TGFBRAP1: variants seen among roughly 807,000 people sequenced by gnomAD.
The protein encoded by TGFBRAP1 is transforming growth factor-beta receptor-associated protein 1.
A neutral mutation model predicts 83.2 loss-of-function variants in TGFBRAP1; 20 were observed. The observed-to-expected ratio is 0.24, with a 90% CI of 0.17 to 0.35. The LOEUF (loss-of-function observed/expected upper bound fraction) is 0.35, where lower values mean the gene tolerates loss of function less well. Ranked by LOEUF, TGFBRAP1 falls within the 10% of genes least tolerant of loss-of-function variation. TGFBRAP1 has a pLI of 1.00. For synonymous variants in TGFBRAP1, 415 were observed against 459.8 expected (o/e 0.90, Z 1.25); for missense variants, 950 against 1,099.4 (o/e 0.86, Z 1.92).
chr2:105,320,519 C>T (rs1434884474), intron 1 of TGFBRAP1, among the ~76,000 whole-genome samples: 1 of 151,952 alleles, frequency 6.6e-6, no homozygotes, highest in Non-Finnish European at 1.5e-5. Context: ...GGAATGTGGG[C>T]CACACACCTG....
intron 1 of TGFBRAP1, among the ~76,000 whole-genome samples, chr2:105,319,802 A>G (rs1381143833): frequency 2.0e-5 from 3 of 150,172 alleles, no homozygotes. Flanking sequence ...TAACATATAT[A>G]GGTATATATG....
At chr2:105,308,418 T>A in intron 1 of TGFBRAP1, 100 bp from the exon 2 acceptor site, 1 of 1,200,542 alleles carries the variant, frequency 8.3e-7, no homozygotes, top group Non-Finnish European at 1.1e-6. Flanking sequence ...TCATTTTCAT[T>A]AAAGAAAGTC....
rs757791119 is a variant in TGFBRAP1 at position 105,273,512 on chromosome 2, A to G, written c.1812+32T>C. ...TAGTTCAATTCCGTCTCTCCAGCCCACACTCTTTAGTCTAACTTCTGCAGT... is the reference window on the plus strand; with the variant it reads ...TAGTTCAATTCCGTCTCTCCAGCCCGCACTCTTTAGTCTAACTTCTGCAGT... On this transcript the variant is annotated intron_variant, in intron 9 of 11. Transcript: ENST00000393359. The G allele has an allele frequency of 1.0e-4, 168 of 1,611,518 alleles. 3 individuals carry two copies. The highest frequency in any genetic ancestry group is 9.3e-4 in the South Asian group (84 of 90,460).
At chr2:105,317,850 G>C (rs1158824489) in intron 1 of TGFBRAP1, among the ~76,000 whole-genome samples, 1 of 152,088 alleles carries the variant, frequency 6.6e-6, no homozygotes, top group African/African-American at 2.4e-5. Context: ...TCAATGGAGA[G>C]GAAACATGAA....
Position 105,298,622 on chromosome 2 carries a change from G to A in TGFBRAP1, c.772C>T (p.Pro258Ser). The change falls in exon 3 of 12, where the codon CCA becomes TCA. Residue 258 changes from proline to serine, a missense_variant. By Grantham distance (74) the Pro-to-Ser change is moderately conservative (BLOSUM62 -1). Transcript: ENST00000393359. Reference protein sequence around the residue: ...ENVIGAAVSFPYVIALDDEFI... With the variant: ...ENVIGAAVSFSYVIALDDEFI... ...TCGTCATCGAGCGCTATGACGTATG[G>A]AAAGGACACAGCCGCCCCAATCACA... 6.2e-7 allele frequency: 1 copy of A among 1,614,066 alleles called. No homozygotes were observed. Among genetic ancestry groups the A allele is most frequent in the Non-Finnish European group, 8.5e-7 (1 of 1,179,976 alleles).
intron 5 of TGFBRAP1, among the ~76,000 whole-genome samples, chr2:105,281,957 C>G (rs962721611): frequency 6.6e-6 from 1 of 152,054 alleles, no homozygotes; most frequent in African/African-American, 2.4e-5. Flanking sequence ...GACAGTAACC[C>G]CCTGCCCAAA....
downstream of TGFBRAP1, among the ~76,000 whole-genome samples, chr2:105,263,355 C>T (rs887769410): frequency 1.3e-5 from 2 of 152,222 alleles, no homozygotes; most frequent in Non-Finnish European, 2.9e-5. Flanking sequence ...GCGAGTCCAC[C>T]CTGGGCTGTG....
chr2:105,311,460 C>T (rs1453711171), intron 1 of TGFBRAP1, among the ~76,000 whole-genome samples: 2 of 152,112 alleles, frequency 1.3e-5, no homozygotes, highest in Non-Finnish European at 2.9e-5. Flanking sequence ...TGGGGCACAC[C>T]TGTATTCCCT....
intron 6 of TGFBRAP1, among the ~76,000 whole-genome samples, chr2:105,279,285 G>T (rs962836623): frequency 6.6e-6 from 1 of 151,888 alleles, no homozygotes; most frequent in Non-Finnish European, 1.5e-5. Context: ...TTGAGACAGG[G>T]TCTAGCTCTG....
chr2:105,269,694 C>T lies in TGFBRAP1; in HGVS notation c.1984G>A (p.Gly662Arg). The T allele has an allele frequency of 6.5e-7, 1 of 1,541,318 alleles. No homozygotes were observed. The highest frequency in any genetic ancestry group is 8.8e-7 in the Non-Finnish European group (1 of 1,141,414). ...GCGCTCTCCATGGGCAGGCCAGCTC[C>T]CTGCAGCCTCTCTGCAAGACAGAAC... ...RVHFLLERLQ[G>R]AGLPMESAIL... The change falls in exon 11 of 12, where the codon GGA (glycine) becomes AGA (arginine). Residue 662 changes from glycine to arginine, a missense_variant. By Grantham distance (125) the Gly-to-Arg change is moderately radical. Transcript: ENST00000393359. The surrounding 1 kb of genome is among the most constrained non-coding windows in gnomAD (Gnocchi z 4.1).
chr2:105,272,626 C>T lies in TGFBRAP1; in HGVS notation c.1972+229G>A, dbSNP rs538776587. Among the ~76,000 whole-genome samples, 34 of 152,232 alleles carry T rather than the reference C, an allele frequency of 2.2e-4. 2 individuals carry two copies. The South Asian group carries it at 6.4e-3, about 29-fold the overall frequency. On this transcript the variant is annotated intron_variant, in intron 10 of 11. Transcript: ENST00000393359. ...GTGGCTCACGCCTATAATCCCAGCA[C>T]CTTAGGAGGCAGAAGCAGGAAGATC... is the stretch of plus-strand genomic sequence containing the variant.
chr2:105,271,310 C>G (rs1677146244), intron 10 of TGFBRAP1, among the ~76,000 whole-genome samples: 1 of 152,222 alleles, frequency 6.6e-6, no homozygotes, highest in African/African-American at 2.4e-5. Flanking sequence ...AAACATTGAA[C>G]CACACACTTG....
chr2:105,294,149 T>C (rs1362781431), intron 4 of TGFBRAP1, among the ~76,000 whole-genome samples: 2 of 152,190 alleles, frequency 1.3e-5, no homozygotes, highest in Non-Finnish European at 2.9e-5. Context: ...ATTGTACCAG[T>C]CATTACCGAA....
chr2:105,277,512 C>T (rs1018901448), intron 7 of TGFBRAP1, 102 bp downstream of exon 7: 8 of 822,200 alleles, frequency 9.7e-6, no homozygotes, highest in African/African-American at 4.9e-5. Flanking sequence ...GTAGATCAGG[C>T]AAAAGTGGTC....
the TGFBRAP1 span, among the ~76,000 whole-genome samples, chr2:105,257,942 C>T: frequency 6.6e-6 from 1 of 152,200 alleles, no homozygotes; most frequent in Non-Finnish European, 1.5e-5. Flanking sequence ...CAATGCCTGG[C>T]ACACTGCAGT....
At chr2:105,274,456 C>T (rs561545092) in intron 8 of TGFBRAP1, among the ~76,000 whole-genome samples, 1 of 151,906 alleles carries the variant, frequency 6.6e-6, no homozygotes, top group Admixed American at 6.5e-5. Context: ...GATTTGTGTC[C>T]CAGCTCTACC....
chr2:105,287,051 C>CACAG (rs1254163070), intron 4 of TGFBRAP1, among the ~76,000 whole-genome samples: 3 of 152,198 alleles, frequency 2.0e-5, no homozygotes, highest in Admixed American at 6.5e-5. Flanking sequence ...CAGGCTGCAA[C>CACAG]ACAGATGAAC....
At chr2:105,268,695 C>T (rs1462936326) in intron 11 of TGFBRAP1, among the ~76,000 whole-genome samples, 1 of 152,238 alleles carries the variant, frequency 6.6e-6, no homozygotes, top group Admixed American at 6.5e-5. Context: ...GGGAACACGT[C>T]GGATACCCGC....
chr2:105,329,133 C>T (rs762227019), intron 1 of TGFBRAP1, among the ~76,000 whole-genome samples: 10 of 152,090 alleles, frequency 6.6e-5, no homozygotes, highest in Non-Finnish European at 1.5e-4. Context: ...CGAATTTGAG[C>T]TCTCAAATCC....
Sources: allele counts gnomAD v4.1 joint callset (sites outside exome capture counted in the v4.1 genomes callset), GRCh38; gene constraint gnomAD v4.1.1; non-coding constraint Gnocchi (gnomAD v3.1); transcripts MANE v1.5; gene names NCBI Gene and HGNC (gene_info 2026-07-23, HGNC 2026-07-21).